Variants in ARID3B observed in about 807,000 individuals in gnomAD.
ARID3B encodes the protein AT-rich interactive domain-containing protein 3B.
In ARID3B, 10 loss-of-function variants were observed where a neutral mutation model predicts 51.9. The ratio of observed to expected loss-of-function variants is 0.19; its 90% CI spans 0.12 to 0.33. ARID3B has a LOEUF of 0.33. Among genes scored for constraint, ARID3B ranks in the 10% least tolerant of loss-of-function variants. The pLI, the probability that ARID3B is intolerant of heterozygous loss-of-function variation, is 1.00. For missense variants in ARID3B, 483 were observed against 716.3 expected, an observed-to-expected ratio of 0.67 and a Z score of 3.72; for synonymous variants, 205 against 279.5, an observed-to-expected ratio of 0.73 and a Z score of 2.66.
At chr15:74,544,689 C>CT (rs398057829) in intron 2 of ARID3B, among the ~76,000 whole-genome samples, 2,730 of 136,614 alleles carry the variant, frequency 0.02, 78 homozygotes, top group African/African-American at 0.044. Flanking sequence ...ATATGTTACT[C>CT]TTTTTTTTTT....
rs369668091 is a variant in ARID3B, at chr15:74,544,473, T to A, written c.537T>A (p.Asp179Glu). 5 of 1,613,870 alleles carry A rather than the reference T, an allele frequency of 3.1e-6. No individual in the cohort carries two copies. The African/African-American group carries it at 4.0e-5, about 13-fold the overall frequency. Residue 179 changes from aspartate to glutamate, a missense_variant, in exon 2 of 9, where the codon GAT becomes GAA. This residue lies in a region of ARID3B where 182 missense variants were observed against 244.5 expected (regional missense o/e 0.74). Coordinates refer to ENST00000346246, the MANE Select transcript of ARID3B (RefSeq NM_006465.4). ...CAGGACAGCCGAACTGGAATCTGGATGAGCAGCTCAAGCAGGTCAGTCTTT... is the reference window on the plus strand; with the variant it reads ...CAGGACAGCCGAACTGGAATCTGGAAGAGCAGCTCAAGCAGGTCAGTCTTT... ...STAGQPNWNL[D>E]EQLKQNGGLA... is the part of the protein sequence containing the mutation.
At position 74,597,088 on chromosome 15, in the gene ARID3B, C is replaced by T. The variant is rs2061829603; in HGVS notation, c.*1314C>T. ...ACCAGGGAGGCAGAGGACACCTCCCCATCACTCAGCATTCCCAGCTCAGGG... is the reference window on the plus strand; with the variant it reads ...ACCAGGGAGGCAGAGGACACCTCCCTATCACTCAGCATTCCCAGCTCAGGG... On this transcript the variant is annotated 3_prime_UTR_variant, in exon 9 of 9. Coordinates refer to ENST00000346246, the MANE Select transcript of ARID3B (RefSeq NM_006465.4). The T allele has an allele frequency of 4.2e-6, 1 of 238,320 alleles. No individual in the cohort carries two copies. The highest frequency in any genetic ancestry group is 5.6e-5 in the Admixed American group (1 of 17,908). 14.8% of individuals were successfully genotyped at this position (238,320 alleles called of 1,614,324 possible). A position where few individuals can be genotyped will look rare whatever the true frequency, so the allele number is the denominator to read the frequency against.
intron 2 of ARID3B, among the ~76,000 whole-genome samples, chr15:74,552,093 G>T (rs1301752342): frequency 8.9e-6 from 1 of 112,288 alleles, no homozygotes; most frequent in Non-Finnish European, 1.6e-5. Context: ...ACGGAGTCTC[G>T]CTCTGCCGCC....
At chr15:74,576,734 A>C (rs1295842725) in intron 4 of ARID3B, among the ~76,000 whole-genome samples, 2 of 152,170 alleles carry the variant, frequency 1.3e-5, no homozygotes, top group African/African-American at 4.8e-5. Flanking sequence ...GTTAGGTAGC[A>C]TTGTTTCCTG....
chr15:74,550,245 T>G (rs2061631410), intron 2 of ARID3B, among the ~76,000 whole-genome samples: 1 of 152,196 alleles, frequency 6.6e-6, no homozygotes, highest in Non-Finnish European at 1.5e-5. Flanking sequence ...CCATGATATC[T>G]TTGATATCTT....
intron 2 of ARID3B, among the ~76,000 whole-genome samples, chr15:74,546,404 C>A (rs1021741823): frequency 6.6e-6 from 1 of 152,316 alleles, no homozygotes; most frequent in East Asian, 1.9e-4. Flanking sequence ...TGTGTGCGGT[C>A]GTTCCTAGAA....
chr15:74,593,875 T>A (rs1198159238), intron 8 of ARID3B, among the ~76,000 whole-genome samples: 1 of 150,874 alleles, frequency 6.6e-6, no homozygotes, highest in Non-Finnish European at 1.5e-5. Context: ...ATCCCAAATC[T>A]ACAAAATACA....
Position 74,548,957 on chromosome 15 carries a change from C to T in ARID3B, c.552+4469C>T, listed in dbSNP as rs550974082. Reference sequence around the variant, plus strand: ...TCTTACCGTGAGAGTCGACTTCCTGCTGGGCAATTAGTGGAGACTACTGTC... The same window carrying T: ...TCTTACCGTGAGAGTCGACTTCCTGTTGGGCAATTAGTGGAGACTACTGTC... On this transcript the variant is annotated intron_variant, in intron 2 of 8. Transcript: ENST00000346246. Among the ~76,000 whole-genome samples the T allele has an allele frequency of 2.0e-5, 3 of 152,174 alleles. No homozygotes were observed. In the South Asian group the frequency reaches 6.2e-4, roughly 31 times the overall value.
At chr15:74,579,755 C>G (rs1294048061) in intron 4 of ARID3B, among the ~76,000 whole-genome samples, 2 of 151,984 alleles carry the variant, frequency 1.3e-5, no homozygotes, top group East Asian at 1.9e-4. Flanking sequence ...CCACCCTATT[C>G]CCGCCAGAAT....
At chr15:74,561,810 A>G (rs2061680399) in intron 2 of ARID3B, among the ~76,000 whole-genome samples, 1 of 152,218 alleles carries the variant, frequency 6.6e-6, no homozygotes, top group African/African-American at 2.4e-5. Context: ...TTATGGTGGT[A>G]CAAAAGCCAT....
rs2061825965 is a variant in ARID3B, at chr15:74,596,499, C to T, written c.*725C>T. ...CTGCTTCACACGGACCATTCTCTGACCGCCCCCGCCAAACCTCATGCTCCC... is the reference window on the plus strand; with the variant it reads ...CTGCTTCACACGGACCATTCTCTGATCGCCCCCGCCAAACCTCATGCTCCC... On this transcript the variant is annotated 3_prime_UTR_variant, in exon 9 of 9. Coordinates refer to ENST00000346246, the MANE Select transcript of ARID3B (RefSeq NM_006465.4). 1 of 233,614 alleles carries T rather than the reference C, an allele frequency of 4.3e-6. No individual in the cohort carries two copies. 14.5% of individuals were successfully genotyped at this position (233,614 alleles called of 1,614,324 possible). A position where few individuals can be genotyped will look rare whatever the true frequency, so the allele number is the denominator to read the frequency against.
chr15:74,553,533 T>G lies in ARID3B; in HGVS notation c.552+9045T>G, dbSNP rs888352618. 2.0e-5 allele frequency among the ~76,000 whole-genome samples: 3 copies of G among 152,242 alleles called. 1 individual carries two copies. The highest frequency in any genetic ancestry group is 1.3e-4 in the Admixed American group (2 of 15,282). ...TTTAATTGCTTCTTCAACTCATGGG[T>G]TGTTAAAAGTATTTTTTGGTTCCCA... On this transcript the variant is annotated intron_variant, in intron 2 of 8. Coordinates refer to ENST00000346246, the MANE Select transcript of ARID3B (RefSeq NM_006465.4).
At chr15:74,564,015 G>C (rs893639947) in intron 2 of ARID3B, among the ~76,000 whole-genome samples, 4 of 152,200 alleles carry the variant, frequency 2.6e-5, no homozygotes, top group Admixed American at 2.6e-4. Flanking sequence ...AAGCCACTGA[G>C]TTTGAATTGA....
At chr15:74,580,966 C>G (rs1054400179) in intron 4 of ARID3B, among the ~76,000 whole-genome samples, 2 of 152,202 alleles carry the variant, frequency 1.3e-5, no homozygotes, top group African/African-American at 4.8e-5. Flanking sequence ...TAGGGAAGGG[C>G]AGATGTGACA....
intron 4 of ARID3B, among the ~76,000 whole-genome samples, chr15:74,583,262 G>A (rs1418727698): frequency 6.6e-6 from 1 of 152,028 alleles, no homozygotes; most frequent in Non-Finnish European, 1.5e-5. Flanking sequence ...CTGATATTGA[G>A]CAAAAGAAGC....
intron 2 of ARID3B, among the ~76,000 whole-genome samples, chr15:74,568,146 T>A (rs552530971): frequency 6.6e-6 from 1 of 152,324 alleles, no homozygotes; most frequent in African/African-American, 2.4e-5. Flanking sequence ...CAGATAACTC[T>A]CCTGGGCAAG....
rs372338414 is a variant in ARID3B, at chr15:74,542,495, T to C, written c.-78+1165T>C. 7.2e-4 allele frequency among the ~76,000 whole-genome samples: 110 copies of C among 152,358 alleles called. 1 individual carries two copies. In the South Asian group the frequency reaches 0.021, roughly 29 times the overall value. On this transcript the variant is annotated intron_variant, in intron 1 of 8. Transcript: ENST00000346246. The stretch of plus-strand genomic sequence containing the variant: ...AATGAGAATTTTTAATCTCTACTAA[T>C]TGGCCTAGCTTTAAAAATTGTACCC...
chr15:74,543,741 G>T (rs755113878), intron 1 of ARID3B, 119 bp from the exon 2 acceptor site: 4 of 635,812 alleles, frequency 6.3e-6, no homozygotes, highest in Non-Finnish European at 1.1e-5. Flanking sequence ...AGGTTTAGGA[G>T]CATATGTTTA....
intron 2 of ARID3B, among the ~76,000 whole-genome samples, chr15:74,556,919 C>T (rs1055501080): frequency 2.6e-5 from 4 of 151,738 alleles, no homozygotes; most frequent in South Asian, 4.2e-4. Flanking sequence ...GGACTACAGG[C>T]GTGTGCCACC....
Sources: gnomAD v4.1 joint callset for allele counts (sites outside exome capture counted in the v4.1 genomes callset) on GRCh38, gnomAD v4.1.1 for gene constraint, gnomAD v4.1.1 regional missense constraint, MANE v1.5 for transcripts, NCBI Gene and HGNC (gene_info 2026-07-23, HGNC 2026-07-21) for gene names.